ABCC2: variants seen among roughly 807,000 people sequenced by gnomAD.
ABCC2 encodes the protein ATP-binding cassette sub-family C member 2.
ABCC2 carries 157 observed loss-of-function variants against 173.4 expected under a neutral mutation model. The observed-to-expected ratio is 0.91, with a 90% confidence interval of 0.80 to 1.03. The LOEUF is 1.03. ABCC2 is among the 50% of genes least tolerant of loss of function. ABCC2 has a pLI of 0.00. For synonymous variants in ABCC2, 657 were observed against 693.5 expected (o/e 0.95, Z 0.83); for missense variants, 1,822 against 1,852.3 (o/e 0.98, Z 0.30).
intron 13 of ABCC2, among the ~76,000 whole-genome samples, chr10:99,808,945 G>C (rs1590158632): frequency 6.6e-6 from 1 of 152,132 alleles, no homozygotes; most frequent in Non-Finnish European, 1.5e-5. Flanking sequence ...TGGCAGATTT[G>C]GCAGGTAAAG....
Position 99,814,799 on chromosome 10 carries a change from G to A in ABCC2, c.2094+1655G>A, listed in dbSNP as rs1270223468. On this transcript the variant is annotated intron_variant, in intron 16 of 31. Coordinates refer to ENST00000647814, the MANE Select transcript of ABCC2 (RefSeq NM_000392.5). Reference sequence around the variant, plus strand: ...TGTATGTATATACACACACACATATGTGTGTGTGTATATATATATTTTGAG... The same window carrying A: ...TGTATGTATATACACACACACATATATGTGTGTGTATATATATATTTTGAG... Among the ~76,000 whole-genome samples the A allele has an allele frequency of 1.4e-4, 19 of 140,598 alleles. 1 individual carries two copies. Among genetic ancestry groups the A allele is most frequent in the South Asian group, 4.4e-4 (2 of 4,498 alleles). The allele number at this position is 140,598 out of a possible 152,430, so 92.2% of individuals were successfully genotyped here.
intron 15 of ABCC2, 147 bp from the exon 16 acceptor site, chr10:99,812,871 T>C: frequency 1.0e-6 from 1 of 957,534 alleles, no homozygotes; most frequent in East Asian, 2.4e-5. Flanking sequence ...AGAAGCACTT[T>C]GGGGTCTTGT....
At position 99,850,346 on chromosome 10, in the gene ABCC2, G is replaced by A. The variant is rs56333232; in HGVS notation, c.4314-256G>A. Among the ~76,000 whole-genome samples the A allele has an allele frequency of 0.055, 8,368 of 152,258 alleles. 253 individuals carry two copies. Among genetic ancestry groups the A allele is most frequent in the Middle Eastern group, 0.18 (52 of 294 alleles). ...AAGGCACCTTCCTAGGCTCCTGCCC[G>A]CTCTGATTGAGCAAAGCAAGGGCCC... On this transcript the variant is annotated intron_variant, in intron 30 of 31. Coordinates refer to ENST00000647814, the MANE Select transcript of ABCC2 (RefSeq NM_000392.5).
rs771205809 is a variant in ABCC2, at chr10:99,825,185, T to C, written c.2621-5122T>C. Among the ~76,000 whole-genome samples, 1,149 of 151,616 alleles carry C rather than the reference T, an allele frequency of 7.6e-3. 5 individuals are homozygous for C. The highest frequency in any genetic ancestry group is 0.049 in the Admixed American group (738 of 15,120). On this transcript the variant is annotated intron_variant, in intron 19 of 31. Coordinates refer to ENST00000647814, the MANE Select transcript of ABCC2 (RefSeq NM_000392.5). ...AGCGGGCATGATTTCCGCACCCCAT[T>C]GTTGTAATAAATCTCGACCCCACAG... is the stretch of plus-strand genomic sequence containing the variant.
At chr10:99,785,533 T>C (rs2037692887) in intron 2 of ABCC2, among the ~76,000 whole-genome samples, 1 of 152,114 alleles carries the variant, frequency 6.6e-6, no homozygotes, top group South Asian at 2.1e-4. Flanking sequence ...TTACTACCAT[T>C]TTAAATGGAG....
chr10:99,790,950 G>C (rs1161705276), intron 2 of ABCC2, among the ~76,000 whole-genome samples: 2 of 152,320 alleles, frequency 1.3e-5, no homozygotes, highest in African/African-American at 4.8e-5. Flanking sequence ...GGGGAGGGGA[G>C]ATGGTGCCAC....
Position 99,816,936 on chromosome 10 carries a change from G to C in ABCC2, c.2095-372G>C, listed in dbSNP as rs537902521. ...CAAAACCGGTCCCTGGTGCCAAAAA[G>C]TTGAGGACCGCTGATCTATACCATT... On this transcript the variant is annotated intron_variant, in intron 16 of 31. Transcript: ENST00000647814. 1.3e-4 allele frequency among the ~76,000 whole-genome samples: 20 copies of C among 152,278 alleles called. No homozygotes were observed. In the East Asian group the frequency reaches 3.3e-3, roughly 25 times the overall value.
At chr10:99,847,312 T>C (rs922220778) in intron 30 of ABCC2, among the ~76,000 whole-genome samples, 185 bp downstream of exon 30, 1 of 152,210 alleles carries the variant, frequency 6.6e-6, no homozygotes, top group African/African-American at 2.4e-5. Flanking sequence ...TTAAAACTCT[T>C]GAAAACTGGT....
chr10:99,840,825 T>C (rs1480128979), intron 25 of ABCC2, among the ~76,000 whole-genome samples: 1 of 150,502 alleles, frequency 6.6e-6, no homozygotes, highest in East Asian at 2.0e-4. Context: ...ACCTGTGAGC[T>C]TTCTTTTCCT....
chr10:99,805,112 G>A (rs764123582), intron 10 of ABCC2, among the ~76,000 whole-genome samples: 1 of 152,160 alleles, frequency 6.6e-6, no homozygotes, highest in Admixed American at 6.5e-5. Context: ...GGAAGGGCAG[G>A]GAAAGAACAG....
chr10:99,806,162 C>T (rs762772119), intron 11 of ABCC2, among the ~76,000 whole-genome samples: 3 of 150,198 alleles, frequency 2.0e-5, no homozygotes, highest in Admixed American at 6.7e-5. Context: ...CCTGTATTTC[C>T]TGTAAATTGA....
chr10:99,826,631 T>C (rs1339926462), intron 19 of ABCC2, among the ~76,000 whole-genome samples: 4 of 137,890 alleles, frequency 2.9e-5, no homozygotes, highest in South Asian at 2.4e-4. Flanking sequence ...TTATTCCTAA[T>C]AGTTGATCTG....
At chr10:99,797,038 G>A in intron 6 of ABCC2, 59 bp from the exon 7 acceptor site, 1 of 1,452,878 alleles carries the variant, frequency 6.9e-7, no homozygotes, top group Non-Finnish European at 9.6e-7. Flanking sequence ...GATAGAAGTG[G>A]TGGAGATAGC....
chr10:99,799,178 T>C (rs759685557), intron 7 of ABCC2, 29 bp from the exon 8 acceptor site: 3 of 1,613,376 alleles, frequency 1.9e-6, no homozygotes, highest in Non-Finnish European at 2.5e-6. Flanking sequence ...CATAACTCTG[T>C]GGACACTGTT....
intron 16 of ABCC2, among the ~76,000 whole-genome samples, chr10:99,815,089 C>A (rs1471519046): frequency 6.6e-6 from 1 of 151,926 alleles, no homozygotes; most frequent in East Asian, 1.9e-4. Flanking sequence ...TCTAGGTTCC[C>A]TCCCCTCGCC....
At position 99,847,143 on chromosome 10, in the gene ABCC2, C is replaced by T; in HGVS notation, c.4313+16C>T. 1.2e-6 allele frequency: 2 copies of T among 1,613,964 alleles called. No individual in the cohort carries two copies. Among genetic ancestry groups the T allele is most frequent in the South Asian group, 1.1e-5 (1 of 91,048 alleles). ...GCAACCTGAGGTAATGTTCCATAGCCTGCTACCCCTGCAGGCAATGAGAGG... is the reference window on the plus strand; with the variant it reads ...GCAACCTGAGGTAATGTTCCATAGCTTGCTACCCCTGCAGGCAATGAGAGG... On this transcript the variant is annotated intron_variant, in intron 30 of 31. Transcript: ENST00000647814.
At chr10:99,805,596 C>A in intron 11 of ABCC2, 149 bp downstream of exon 11, 1 of 810,956 alleles carries the variant, frequency 1.2e-6, no homozygotes, top group East Asian at 2.5e-5. Context: ...CTGTCCCTCT[C>A]AGGTCCTCCG....
At chr10:99,800,257 G>T (rs947108438) in intron 8 of ABCC2, 129 bp from the exon 9 acceptor site, 15 of 1,017,948 alleles carry the variant, frequency 1.5e-5, no homozygotes, top group South Asian at 2.5e-5. Context: ...TCTTTCAAAG[G>T]CTTTGGACAA....
At chr10:99,840,394 A>G (rs2038917175) in intron 25 of ABCC2, among the ~76,000 whole-genome samples, 1 of 145,274 alleles carries the variant, frequency 6.9e-6, no homozygotes, top group Non-Finnish European at 1.5e-5. Flanking sequence ...CGCGGCCACC[A>G]TGGCCGGACG....
Sources: allele counts gnomAD v4.1 joint callset (sites outside exome capture counted in the v4.1 genomes callset), GRCh38; gene constraint gnomAD v4.1.1; transcripts MANE v1.5; gene names NCBI Gene and HGNC (gene_info 2026-07-23, HGNC 2026-07-21).